Variants in CLDN2 observed in about 807,000 individuals in gnomAD.
CLDN2 encodes the protein claudin-2.
In CLDN2, 1 loss-of-function variant was observed where a neutral mutation model predicts 8.2. The ratio of observed to expected loss-of-function variants is 0.12; its 90% CI spans 0.04 to 0.58. The LOEUF is 0.58. Among genes scored for constraint, CLDN2 ranks in the 20% least tolerant of loss-of-function variants. The pLI is 0.90. For synonymous variants in CLDN2, 70 were observed against 70.2 expected, an observed-to-expected ratio of 1.00 and a Z score of 0.01; for missense variants, 108 against 172.9, an observed-to-expected ratio of 0.62 and a Z score of 2.11.
intron 1 of CLDN2, among the ~76,000 whole-genome samples, chrX:106,927,353 GGAA>G (rs1933483356): frequency 9.0e-6 from 1 of 111,210 alleles, no homozygotes; most frequent in South Asian, 3.9e-4. Flanking sequence ...TCTCAGTCCT[GGAA>G]CCCTTGTTCC....
At chrX:106,911,694 A>AG (rs1569286919) in intron 1 of CLDN2, among the ~76,000 whole-genome samples, 1 of 112,432 alleles carries the variant, frequency 8.9e-6, no homozygotes, top group Non-Finnish European at 1.9e-5. Flanking sequence ...ATAAGAAGCA[A>AG]GCCTTTCTAT....
At chrX:106,907,545 A>G (rs1933194383) in intron 1 of CLDN2, among the ~76,000 whole-genome samples, 1 of 110,364 alleles carries the variant, frequency 9.1e-6, no homozygotes, top group Admixed American at 9.6e-5. Flanking sequence ...TACTAAAAAT[A>G]CAAACATTAG....
At chrX:106,903,257 T>TGGC in intron 1 of CLDN2, 1 of 1,207,526 alleles carries the variant, frequency 8.3e-7, no homozygotes, top group Non-Finnish European at 1.1e-6. Context: ...GGAACAGGGG[T>TGGC]GGCAGCAGCA....
At chrX:106,913,885 A>G (rs1259314536), upstream of CLDN2, among the ~76,000 whole-genome samples, 2 of 108,524 alleles carry the variant, frequency 1.8e-5, no homozygotes, top group Middle Eastern at 4.3e-3. Context: ...TTTGGAAACC[A>G]TCAACGGCAT....
chrX:106,901,486 T>C (rs1843756997), intron 1 of CLDN2: 2 of 1,209,623 alleles, frequency 1.7e-6, no homozygotes, highest in African/African-American at 3.5e-5. Context: ...GACAGGGTGA[T>C]GGAACTTGGA....
chrX:106,925,522 A>G (rs745918948), intron 1 of CLDN2, among the ~76,000 whole-genome samples: 1 of 112,666 alleles, frequency 8.9e-6, no homozygotes, highest in African/African-American at 3.2e-5. Context: ...CAAGAGATGA[A>G]GCTTGAGAGG....
rs1317603558 is a variant in CLDN2 at position 106,930,580 on chromosome X, G to C, written c.*1659G>C. On this transcript the variant is annotated 3_prime_UTR_variant, in exon 2 of 2. Transcript: ENST00000336803. ...CTTAGCCAAGTCCTCCTCAGGCTTG[G>C]AGAACTTCCTCAGCGTCACCTCCTT... 1.6e-5 allele frequency: 2 copies of C among 122,589 alleles called. No individual in the cohort carries two copies. Among genetic ancestry groups the C allele is most frequent in the African/African-American group, 6.5e-5 (2 of 30,597 alleles). The allele number at this position is 122,589 out of a possible 1,213,427, so 10.1% of individuals were successfully genotyped here. A position where few individuals can be genotyped will look rare whatever the true frequency, so the allele number is the denominator to read the frequency against.
intron 1 of CLDN2, among the ~76,000 whole-genome samples, chrX:106,923,155 C>T (rs1173180416): frequency 4.5e-5 from 5 of 110,663 alleles, no homozygotes; most frequent in Non-Finnish European, 9.5e-5. Context: ...TTGTATTTTT[C>T]GTAGAGACGG....
At chrX:106,927,653 C>G (rs752676462) in intron 1 of CLDN2, among the ~76,000 whole-genome samples, 4 of 112,358 alleles carry the variant, frequency 3.6e-5, no homozygotes, top group African/African-American at 1.3e-4. Flanking sequence ...AACTGGAGTC[C>G]AAGACTACAT....
rs1318869665 is a variant in CLDN2 at position 106,929,596 on chromosome X, A to T, written c.*675A>T. 2 of 123,035 alleles carry T rather than the reference A, an allele frequency of 1.6e-5. No homozygotes were observed. Among genetic ancestry groups the T allele is most frequent in the East Asian group, 5.6e-4 (2 of 3,542 alleles). The allele number at this position is 123,035 out of a possible 1,213,427, so 10.1% of individuals were successfully genotyped here. ...TTTAAAAAAATAAAAATGAAAAAAA[A>T]ACCCAGAACCCATTTCTCAGGGCAC... On this transcript the variant is annotated 3_prime_UTR_variant, in exon 2 of 2. Transcript: ENST00000336803.
At chrX:106,908,217 T>C (rs749660018) in intron 1 of CLDN2, among the ~76,000 whole-genome samples, 1 of 112,278 alleles carries the variant, frequency 8.9e-6, no homozygotes, top group Non-Finnish European at 1.9e-5. Context: ...TAGTTTTCCC[T>C]GTCTGTGAGG....
chrX:106,919,570 G>A (rs905132665), upstream of CLDN2, among the ~76,000 whole-genome samples: 4 of 110,786 alleles, frequency 3.6e-5, no homozygotes, highest in Non-Finnish European at 7.6e-5. Flanking sequence ...TGCAACCTCC[G>A]CCTCCTGGGT....
At chrX:106,902,234 A>T (rs1489236716) in intron 1 of CLDN2, 1 of 1,137,821 alleles carries the variant, frequency 8.8e-7, no homozygotes, top group East Asian at 3.2e-5. Flanking sequence ...AAGAGGAGAG[A>T]TCAATCCGTA....
upstream of CLDN2, among the ~76,000 whole-genome samples, chrX:106,916,307 C>G (rs567841819): frequency 9.0e-6 from 1 of 110,504 alleles, no homozygotes; most frequent in African/African-American, 3.3e-5. Flanking sequence ...CCAGGGTCCA[C>G]AAAGAGTTCC....
chrX:106,918,320 T>C (rs1410463788), upstream of CLDN2: 3 of 111,609 alleles, frequency 2.7e-5, no homozygotes, highest in Non-Finnish European at 5.7e-5. Context: ...CCTTCAGCCT[T>C]GCTTGCTTTC....
At chrX:106,920,161 A>C (rs987780432), upstream of CLDN2, among the ~76,000 whole-genome samples, 6 of 110,446 alleles carry the variant, frequency 5.4e-5, no homozygotes, top group African/African-American at 2.0e-4. Context: ...CCACCCTCAA[A>C]GCTGGAATGT....
upstream of CLDN2, among the ~76,000 whole-genome samples, chrX:106,919,428 T>C (rs375782857): frequency 9.0e-6 from 1 of 111,675 alleles, no homozygotes; most frequent in African/African-American, 3.3e-5. Context: ...ACAGCATGTT[T>C]TTTTGTTTGT....
At chrX:106,916,451 G>A (rs1933311713), upstream of CLDN2, among the ~76,000 whole-genome samples, 1 of 111,159 alleles carries the variant, frequency 9.0e-6, no homozygotes, top group African/African-American at 3.3e-5. Flanking sequence ...GAGCTAGGTA[G>A]GGGCCAAATC....
At chrX:106,907,472 G>A (rs1252319576) in intron 1 of CLDN2, among the ~76,000 whole-genome samples, 22 of 111,445 alleles carry the variant, frequency 2.0e-4, no homozygotes, top group East Asian at 2.8e-4. Context: ...AGGCTGAGGC[G>A]GGTGGATCAC....
Sources: allele counts gnomAD v4.1 joint callset (sites outside exome capture counted in the v4.1 genomes callset), GRCh38; gene constraint gnomAD v4.1.1; transcripts MANE v1.5; gene names NCBI Gene and HGNC (gene_info 2026-07-23, HGNC 2026-07-21).